CDH23: variants seen among roughly 807,000 people sequenced by gnomAD.
CDH23 encodes cadherin related 23, also known as cadherin-23.
In CDH23, 189 loss-of-function variants were observed where a neutral mutation model predicts 317.1. The observed-to-expected ratio is 0.60, with a 90% CI of 0.53 to 0.67. CDH23 has a LOEUF of 0.67. CDH23 is among the 30% of genes least tolerant of loss of function. The probability of loss-of-function intolerance (pLI) is 0.00; values close to 1 mark genes in which losing one functional copy is unlikely to be tolerated. For synonymous variants in CDH23, 1,839 were observed against 1,876.8 expected (o/e 0.98, Z 0.52); for missense variants, 4,401 against 4,592.4 (o/e 0.96, Z 1.20).
chr10:71,562,503 G>T (rs986394532), intron 6 of CDH23, among the ~76,000 whole-genome samples: 1 of 152,188 alleles, frequency 6.6e-6, no homozygotes, highest in African/African-American at 2.4e-5. Context: ...GCTTGCTGTG[G>T]GCGCTAAAGA....
intron 3 of CDH23, among the ~76,000 whole-genome samples, chr10:71,457,844 G>T (rs770743931): frequency 6.6e-6 from 1 of 152,254 alleles, no homozygotes; most frequent in Non-Finnish European, 1.5e-5. Context: ...AGATTAGTCA[G>T]CTTGCTTGCT....
chr10:71,732,619 T>C, intron 32 of CDH23: 1 of 1,402,940 alleles, frequency 7.1e-7, no homozygotes, highest in Non-Finnish European at 9.3e-7. Context: ...GGCAACAGAG[T>C]GAGACCTTGT....
chr10:71,515,821 G>T (rs1386414031), intron 6 of CDH23, among the ~76,000 whole-genome samples: 1 of 152,324 alleles, frequency 6.6e-6, no homozygotes, highest in South Asian at 2.1e-4. Context: ...CAAGGTCTTT[G>T]TCCTTGGTGA....
chr10:71,809,854 C>G lies in CDH23; in HGVS notation c.8757C>G (p.Leu2919=). ...ACGGCATTCTGCGCACCTTCGACCT[C>G]TTCATGGCCTACAGCCCCGGCTACT... The part of the protein sequence containing the change: ...SMDGILRTFD[L]FMAYSPGYFV... The change falls in exon 61 of 70, where the codon CTC becomes CTG. Residue 2919 remains leucine, a synonymous_variant. Coordinates refer to ENST00000224721, the MANE Select transcript of CDH23 (RefSeq NM_022124.6). 1 of 1,613,428 alleles carries G rather than the reference C, an allele frequency of 6.2e-7. No homozygotes were observed. The highest frequency in any genetic ancestry group is 8.5e-7 in the Non-Finnish European group (1 of 1,179,908).
chr10:71,713,428 G>T, intron 28 of CDH23: 1 of 608,306 alleles, frequency 1.6e-6, no homozygotes. Flanking sequence ...TTTCCGACTC[G>T]GAGGCTGAGC....
intron 14 of CDH23, among the ~76,000 whole-genome samples, chr10:71,648,329 C>G (rs755290998): frequency 1.3e-5 from 2 of 152,186 alleles, no homozygotes; most frequent in Non-Finnish European, 2.9e-5. Context: ...CTTTACCCAC[C>G]ATCCCCCTTC....
chr10:71,486,003 G>C (rs370002641), intron 3 of CDH23, among the ~76,000 whole-genome samples: 3 of 152,154 alleles, frequency 2.0e-5, no homozygotes, highest in Non-Finnish European at 4.4e-5. Context: ...AATATATTTG[G>C]AGTAGAAGAC....
chr10:71,679,043 C>T (rs1284852520), intron 16 of CDH23, among the ~76,000 whole-genome samples: 1 of 152,036 alleles, frequency 6.6e-6, no homozygotes, highest in African/African-American at 2.4e-5. Flanking sequence ...TGGGGGTGTT[C>T]CAGCTGGGGT....
chr10:71,562,136 C>T (rs1256437251), intron 6 of CDH23, among the ~76,000 whole-genome samples: 1 of 152,044 alleles, frequency 6.6e-6, no homozygotes, highest in Non-Finnish European at 1.5e-5. Context: ...AGCCCCACCC[C>T]AGACGCCCCG....
intron 1 of CDH23, among the ~76,000 whole-genome samples, chr10:71,404,541 G>C (rs748557955): frequency 6.6e-6 from 1 of 152,252 alleles, no homozygotes; most frequent in African/African-American, 2.4e-5. Context: ...TTTTACAAGT[G>C]GTGAAACTGA....
chr10:71,750,410 C>A (rs1839964977), intron 38 of CDH23: 1 of 152,330 alleles, frequency 6.6e-6, no homozygotes, highest in Non-Finnish European at 1.5e-5. Flanking sequence ...CTTGCAATGG[C>A]CCGCGCTGAG....
At position 71,738,486 on chromosome 10, in the gene CDH23, G is replaced by C. The variant is rs115948943; in HGVS notation, c.4210-12G>C. ...AAGGAGGCTGTAGGTCTCTGACCAC[G>C]TTCACCCTCAGGTCTACATCACTGT... is the stretch of plus-strand genomic sequence containing the variant. On this transcript the variant is annotated splice_polypyrimidine_tract_variant and intron_variant, in intron 34 of 69. Coordinates refer to ENST00000224721, the MANE Select transcript of CDH23 (RefSeq NM_022124.6). 29 of 1,613,892 alleles carry C rather than the reference G, an allele frequency of 1.8e-5. No homozygotes were observed. The African/African-American group carries it at 3.7e-4, about 21-fold the overall frequency.
intron 11 of CDH23, among the ~76,000 whole-genome samples, chr10:71,622,781 T>C (rs1861530864): frequency 6.6e-6 from 1 of 152,160 alleles, no homozygotes; most frequent in Non-Finnish European, 1.5e-5. Context: ...AGAACACACT[T>C]GCTGCTGTCC....
intron 1 of CDH23, among the ~76,000 whole-genome samples, chr10:71,401,143 T>G (rs1847762857): frequency 6.6e-6 from 1 of 152,170 alleles, no homozygotes; most frequent in Non-Finnish European, 1.5e-5. Context: ...GATTGGGTTC[T>G]TCTGTATTCC....
chr10:71,469,984 A>G (rs1433706759), intron 3 of CDH23, among the ~76,000 whole-genome samples: 1 of 151,794 alleles, frequency 6.6e-6, no homozygotes, highest in Non-Finnish European at 1.5e-5. Context: ...AATCATATGT[A>G]TAGGTTTAAT....
intron 6 of CDH23, among the ~76,000 whole-genome samples, chr10:71,548,785 C>T (rs922170869): frequency 1.3e-5 from 2 of 152,200 alleles, no homozygotes; most frequent in Non-Finnish European, 2.9e-5. Context: ...ACTGCAAAGC[C>T]TGTCCCCATG....
At chr10:71,633,491 G>A (rs979546225) in intron 11 of CDH23, among the ~76,000 whole-genome samples, 3 of 152,138 alleles carry the variant, frequency 2.0e-5, no homozygotes, top group Non-Finnish European at 2.9e-5. Context: ...CCTGCCTGGG[G>A]GCAGCTGAGT....
Position 71,751,631 on chromosome 10 carries a change from A to G in CDH23, c.4845+9710A>G, listed in dbSNP as rs1335902476. 1.3e-6 allele frequency: 2 copies of G among 1,501,654 alleles called. No individual in the cohort carries two copies. The highest frequency in any genetic ancestry group is 2.3e-5 in the Admixed American group (1 of 44,356). 93.0% of individuals were successfully genotyped at this position (1,501,654 alleles called of 1,614,324 possible). ...CTGCAGGCCATGAGGTCATGACCTT[A>G]CAGGTCATCGTGCTGTGAAGGTCAG... On this transcript the variant is annotated intron_variant, in intron 38 of 69. Transcript: ENST00000224721. The surrounding 1 kb of genome is among the most constrained non-coding windows in gnomAD (Gnocchi z 4.9).
At chr10:71,627,956 G>A (rs1019441380) in intron 11 of CDH23, among the ~76,000 whole-genome samples, 10 of 152,032 alleles carry the variant, frequency 6.6e-5, no homozygotes, top group Non-Finnish European at 1.5e-4. Context: ...ACCCTCCCTG[G>A]TGCCCCTTCG....
Sources: allele counts gnomAD v4.1 joint callset (sites outside exome capture counted in the v4.1 genomes callset), GRCh38; gene constraint gnomAD v4.1.1; non-coding constraint Gnocchi (gnomAD v3.1); transcripts MANE v1.5; gene names NCBI Gene and HGNC (gene_info 2026-07-23, HGNC 2026-07-21).